Variants in YEATS2 observed in about 807,000 individuals in gnomAD.
YEATS2 encodes YEATS domain containing 2.
In YEATS2, 77 loss-of-function variants were observed where a neutral mutation model predicts 163.2. The ratio of observed to expected loss-of-function variants is 0.47; its 90% CI spans 0.39 to 0.57. YEATS2 has a LOEUF of 0.57. Ranked by LOEUF, YEATS2 falls within the 20% of genes least tolerant of loss-of-function variation. YEATS2 has a pLI of 0.00. For synonymous variants in YEATS2, 631 were observed against 645.1 expected, an observed-to-expected ratio of 0.98 and a Z score of 0.33; for missense variants, 1,549 against 1,729.8, an observed-to-expected ratio of 0.90 and a Z score of 1.85.
chr3:183,713,145 T>TA (rs1160668954), intron 1 of YEATS2, among the ~76,000 whole-genome samples: 1 of 152,240 alleles, frequency 6.6e-6, no homozygotes, highest in Admixed American at 6.5e-5. Context: ...GGTAAAAATA[T>TA]AACGTAAAAT....
intron 1 of YEATS2, among the ~76,000 whole-genome samples, chr3:183,706,215 C>G (rs559555445): frequency 6.6e-6 from 1 of 151,860 alleles, no homozygotes; most frequent in Non-Finnish European, 1.5e-5. Context: ...AAAGAGCATT[C>G]CAGATAGAAG....
intron 6 of YEATS2, among the ~76,000 whole-genome samples, chr3:183,724,841 T>G (rs994094867): frequency 6.6e-6 from 1 of 152,128 alleles, no homozygotes; most frequent in African/African-American, 2.4e-5. Context: ...CCGCCCGGGT[T>G]CAAGCGATTC....
chr3:183,800,681 A>T (rs1725587541), intron 24 of YEATS2, 113 bp downstream of exon 24: 1 of 814,170 alleles, frequency 1.2e-6, no homozygotes. Flanking sequence ...TGACGGGAGG[A>T]ACTGTCTGTC....
intron 15 of YEATS2, among the ~76,000 whole-genome samples, chr3:183,768,148 T>C (rs920997103): frequency 6.6e-6 from 1 of 152,248 alleles, no homozygotes; most frequent in Non-Finnish European, 1.5e-5. Flanking sequence ...TTATTTCTCA[T>C]ACAGTCATCG....
chr3:183,800,223 C>G (rs750179521), intron 23 of YEATS2, among the ~76,000 whole-genome samples: 4 of 152,108 alleles, frequency 2.6e-5, no homozygotes, highest in Non-Finnish European at 5.9e-5. Flanking sequence ...ATCTAAGGAG[C>G]CACTTTATTG....
chr3:183,794,795 C>T (rs1334411441), intron 21 of YEATS2, among the ~76,000 whole-genome samples: 1 of 152,042 alleles, frequency 6.6e-6, no homozygotes, highest in Non-Finnish European at 1.5e-5. Context: ...GTAAAGGGGG[C>T]ACTTTTTAAG....
At chr3:183,707,569 CTG>C (rs1484867555) in intron 1 of YEATS2, among the ~76,000 whole-genome samples, 3 of 151,872 alleles carry the variant, frequency 2.0e-5, no homozygotes, top group African/African-American at 7.3e-5. Flanking sequence ...TCTTTTAAGA[CTG>C]TAGAAAGGAC....
intron 1 of YEATS2, among the ~76,000 whole-genome samples, chr3:183,701,144 C>T (rs1015050569): frequency 6.6e-6 from 1 of 150,612 alleles, no homozygotes; most frequent in African/African-American, 2.4e-5. Flanking sequence ...TGCAGTGGCG[C>T]AATCTCAGCT....
At chr3:183,761,045 A>G (rs1010873017) in intron 13 of YEATS2, among the ~76,000 whole-genome samples, 1 of 152,116 alleles carries the variant, frequency 6.6e-6, no homozygotes, top group Non-Finnish European at 1.5e-5. Flanking sequence ...CAATATTAAA[A>G]TGCAGGTGTA....
intron 13 of YEATS2, 59 bp downstream of exon 13, chr3:183,759,024 A>T: frequency 7.9e-7 from 1 of 1,265,294 alleles, no homozygotes; most frequent in Non-Finnish European, 1.1e-6. Flanking sequence ...CATTTTTAAA[A>T]AATAATTTTT....
chr3:183,743,005 T>C (rs1719136993), intron 8 of YEATS2, among the ~76,000 whole-genome samples: 1 of 152,248 alleles, frequency 6.6e-6, no homozygotes, highest in Non-Finnish European at 1.5e-5. Context: ...TAGATTATTT[T>C]GTTAAACATA....
intron 1 of YEATS2, among the ~76,000 whole-genome samples, chr3:183,705,633 A>G (rs182470217): frequency 5.1e-4 from 77 of 152,294 alleles, no homozygotes; most frequent in Non-Finnish European, 1.0e-3. Context: ...CATTTAGCTA[A>G]AGAGCCTTTA....
At chr3:183,738,391 CTTTTTTTTTTTTTT>C (rs1173865612) in intron 8 of YEATS2, among the ~76,000 whole-genome samples, 1 of 74,048 alleles carries the variant, frequency 1.4e-5, no homozygotes, top group African/African-American at 4.5e-5. Context: ...AGGAAAAGTT[CTTTTTTTTTTTTTT>C]TTTTTTTTTT....
Position 183,715,232 on chromosome 3 carries a change from A to G in YEATS2, c.70A>G (p.Asn24Asp), listed in dbSNP as rs750423717. 6.2e-7 allele frequency: 1 copy of G among 1,610,878 alleles called. No individual in the cohort carries two copies. Among genetic ancestry groups the G allele is most frequent in the Non-Finnish European group, 8.5e-7 (1 of 1,179,476 alleles). The change falls in exon 2 of 31, where the codon AAT becomes GAT. Residue 24 changes from asparagine to aspartate, a missense_variant. Coordinates refer to ENST00000305135, the MANE Select transcript of YEATS2 (RefSeq NM_018023.5). ...CGAGGATGTATCTGTGGCCCTTCCA[A>G]ATAAGCGGCATAAAGCAATTGAGAA... ...DYEDVSVALP[N>D]KRHKAIENSA...
intron 2 of YEATS2, among the ~76,000 whole-genome samples, chr3:183,715,513 ATGTT>A (rs10552376): frequency 0.013 from 2,050 of 152,314 alleles, 42 homozygotes; most frequent in African/African-American, 0.047. Flanking sequence ...CGATCACTGT[ATGTT>A]AGGTGTAATC....
At chr3:183,804,296 C>T in intron 27 of YEATS2, 108 bp downstream of exon 27, 1 of 1,340,086 alleles carries the variant, frequency 7.5e-7, no homozygotes, top group Non-Finnish European at 1.0e-6. Context: ...GAGAGCCTTT[C>T]CTACCTCCTG....
At chr3:183,802,483 A>ATG (rs1725755420) in intron 25 of YEATS2, 1 of 121,984 alleles carries the variant, frequency 8.2e-6, no homozygotes, top group Non-Finnish European at 1.7e-5. Flanking sequence ...AATCTCTCTT[A>ATG]TATATGTGTG....
intron 9 of YEATS2, among the ~76,000 whole-genome samples, chr3:183,748,625 C>T (rs1007145614): frequency 5.3e-5 from 8 of 151,458 alleles, no homozygotes; most frequent in Non-Finnish European, 1.0e-4. Context: ...TTAATTGAGA[C>T]AGGGTCTTAC....
At position 183,756,654 on chromosome 3, in the gene YEATS2, CG is replaced by C; in HGVS notation, c.1521del (p.Gln508ArgfsTer2). On this transcript the variant is annotated frameshift_variant, in exon 12 of 31. Transcript: ENST00000305135. LOFTEE classifies it high-confidence loss of function. Reference protein sequence around the residue: ...NNPYVIMDKQPGQVIGATTPS... With the variant: ...NNPYVIMDKQXGQVIGATTPS... ...CCTTATGTTATCATGGACAAGCAGCCGGGGCAGGTGATTGGAGCCACCACTC... is the reference window on the plus strand; with the variant it reads ...CCTTATGTTATCATGGACAAGCAGCCGGGCAGGTGATTGGAGCCACCACTC... The C allele has an allele frequency of 6.3e-7, 1 of 1,591,836 alleles. No homozygotes were observed.
Sources: allele counts gnomAD v4.1 joint callset (sites outside exome capture counted in the v4.1 genomes callset), GRCh38; gene constraint gnomAD v4.1.1; transcripts MANE v1.5; gene names NCBI Gene and HGNC (gene_info 2026-07-23, HGNC 2026-07-21).